Variants in ADRA1B observed in about 807,000 individuals in gnomAD.
ADRA1B encodes alpha-1B adrenergic receptor.
In ADRA1B, 17 loss-of-function variants were observed where a neutral mutation model predicts 17.9. The observed-to-expected ratio is 0.95, with a 90% CI of 0.65 to 1.42. The LOEUF is 1.42. Among genes scored for constraint, ADRA1B ranks in the 40% most tolerant of loss-of-function variants. The pLI is 0.00. For synonymous variants in ADRA1B, 366 were observed against 327.6 expected (o/e 1.12, Z -1.27); for missense variants, 681 against 722.1 (o/e 0.94, Z 0.65).
chr5:159,957,769 C>T (rs1459863221), intron 1 of ADRA1B, among the ~76,000 whole-genome samples: 1 of 151,182 alleles, frequency 6.6e-6, no homozygotes, highest in Non-Finnish European at 1.5e-5. Flanking sequence ...AACCTCGTCT[C>T]TACTACAAAT....
At chr5:159,867,004 T>C (rs1257809363) in intron 1 of ADRA1B, 4 of 152,172 alleles carry the variant, frequency 2.6e-5, no homozygotes, top group African/African-American at 9.7e-5. Context: ...ACTTCATAAT[T>C]TCTCCCCAGC....
intron 1 of ADRA1B, among the ~76,000 whole-genome samples, chr5:159,879,403 G>A (rs141448417): frequency 9.2e-5 from 14 of 152,178 alleles, no homozygotes; most frequent in Non-Finnish European, 7.4e-5. Flanking sequence ...ACATCTTTTG[G>A]TTATCACTCC....
the ADRA1B span, among the ~76,000 whole-genome samples, chr5:159,978,317 C>T: frequency 6.6e-6 from 1 of 152,174 alleles, no homozygotes; most frequent in Non-Finnish European, 1.5e-5. Context: ...GAATAGAGTG[C>T]TATGGGAAGC....
downstream of ADRA1B, among the ~76,000 whole-genome samples, chr5:159,976,733 A>G (rs544524019): frequency 6.6e-6 from 1 of 152,338 alleles, no homozygotes; most frequent in African/African-American, 2.4e-5. Flanking sequence ...TAACATTTAA[A>G]CATTTAATAA....
chr5:159,987,564 C>T, the ADRA1B span, among the ~76,000 whole-genome samples: 1 of 152,246 alleles, frequency 6.6e-6, no homozygotes, highest in African/African-American at 2.4e-5. Flanking sequence ...CTGGCCAACG[C>T]GCCTAAGCGA....
downstream of ADRA1B, among the ~76,000 whole-genome samples, chr5:159,974,420 A>G (rs1185357359): frequency 1.3e-5 from 2 of 152,198 alleles, no homozygotes; most frequent in Non-Finnish European, 2.9e-5. Flanking sequence ...GGATCACCTG[A>G]GGTCAGGAGT....
At chr5:159,984,849 C>CG in the ADRA1B span, among the ~76,000 whole-genome samples, 1 of 150,444 alleles carries the variant, frequency 6.6e-6, no homozygotes, top group African/African-American at 2.5e-5. Flanking sequence ...GCAGAGGTTA[C>CG]AGTGAGGATC....
chr5:159,890,282 C>G (rs920684704), intron 1 of ADRA1B, among the ~76,000 whole-genome samples: 6 of 152,164 alleles, frequency 3.9e-5, no homozygotes, highest in African/African-American at 1.4e-4. Context: ...AAATTCAGAA[C>G]CCCCAACCTC....
intron 1 of ADRA1B, among the ~76,000 whole-genome samples, chr5:159,947,372 G>T (rs1396196399): frequency 6.6e-6 from 1 of 151,868 alleles, no homozygotes; most frequent in African/African-American, 2.4e-5. Flanking sequence ...GAAAACCATG[G>T]CTCAGAAAGG....
At chr5:159,907,511 A>AAT (rs1754174828) in intron 1 of ADRA1B, among the ~76,000 whole-genome samples, 1 of 151,990 alleles carries the variant, frequency 6.6e-6, no homozygotes, top group Non-Finnish European at 1.5e-5. Context: ...GTCAGAAAAA[A>AAT]AAAATGCATC....
chr5:159,966,068 C>A (rs997022620), intron 1 of ADRA1B, among the ~76,000 whole-genome samples: 1 of 152,074 alleles, frequency 6.6e-6, no homozygotes, highest in Non-Finnish European at 1.5e-5. Context: ...GCCACCATAC[C>A]CAGCCAGAAC....
intron 1 of ADRA1B, among the ~76,000 whole-genome samples, chr5:159,930,463 T>C (rs1474762720): frequency 6.6e-6 from 1 of 152,178 alleles, no homozygotes; most frequent in Non-Finnish European, 1.5e-5. Flanking sequence ...ACCCCTTCTC[T>C]ACTAAAAATA....
chr5:159,960,348 T>A (rs953806932), intron 1 of ADRA1B, among the ~76,000 whole-genome samples: 1 of 152,250 alleles, frequency 6.6e-6, no homozygotes, highest in Non-Finnish European at 1.5e-5. Flanking sequence ...TATTCTAACC[T>A]AAGCAGTTTG....
chr5:159,890,875 C>T (rs149104178), intron 1 of ADRA1B, among the ~76,000 whole-genome samples: 311 of 152,328 alleles, frequency 2.0e-3, no homozygotes, highest in African/African-American at 6.6e-3. Context: ...TAAAACAAAC[C>T]TGTGAGATGG....
At chr5:159,934,303 C>G (rs1416896071) in intron 1 of ADRA1B, among the ~76,000 whole-genome samples, 2 of 152,176 alleles carry the variant, frequency 1.3e-5, no homozygotes, top group Non-Finnish European at 2.9e-5. Context: ...ACCCACTTGC[C>G]ACAGGGTTGG....
intron 1 of ADRA1B, among the ~76,000 whole-genome samples, chr5:159,892,355 C>T (rs534234867): frequency 3.9e-5 from 6 of 152,180 alleles, no homozygotes; most frequent in Non-Finnish European, 8.8e-5. Context: ...TTCCGGGGTA[C>T]ATGTGCAAGA....
intron 1 of ADRA1B, among the ~76,000 whole-genome samples, chr5:159,925,435 C>T (rs1024401212): frequency 4.8e-4 from 73 of 152,270 alleles, no homozygotes; most frequent in African/African-American, 1.6e-3. Context: ...TGGAGAAACA[C>T]ATAAAATTTA....
intron 1 of ADRA1B, among the ~76,000 whole-genome samples, chr5:159,945,759 T>G (rs866332264): frequency 1.8e-4 from 28 of 151,458 alleles, no homozygotes; most frequent in Middle Eastern, 3.4e-3. Flanking sequence ...TTTGTTTTTT[T>G]TTTTTTGAGA....
chr5:159,904,190 A>G (rs1754133292), intron 1 of ADRA1B, among the ~76,000 whole-genome samples: 1 of 152,210 alleles, frequency 6.6e-6, no homozygotes, highest in African/African-American at 2.4e-5. Context: ...AGTTATTTTT[A>G]AGACTATGGG....
Sources: gnomAD v4.1 joint callset for allele counts (sites outside exome capture counted in the v4.1 genomes callset) on GRCh38, gnomAD v4.1.1 for gene constraint, MANE v1.5 for transcripts, NCBI Gene and HGNC (gene_info 2026-07-23, HGNC 2026-07-21) for gene names.